The following NCOA1 variants were observed in gnomAD, a reference collection of about 807,000 sequenced individuals.
The protein encoded by NCOA1 is Hin-2 protein.
In NCOA1, 35 loss-of-function variants were observed where a neutral mutation model predicts 150.9. The ratio of observed to expected loss-of-function variants is 0.23; its 90% CI spans 0.18 to 0.31. The LOEUF (loss-of-function observed/expected upper bound fraction) is 0.31, where lower values mean the gene tolerates loss of function less well. Ranked by LOEUF, NCOA1 falls within the 10% of genes least tolerant of loss-of-function variation. The pLI is 1.00. For missense variants in NCOA1, 1,491 were observed against 1,749.3 expected (o/e 0.85, Z 2.63); for synonymous variants, 590 against 630.0 (o/e 0.94, Z 0.95).
chr2:24,728,014 G>C (rs1209978161), intron 15 of NCOA1, among the ~76,000 whole-genome samples: 2 of 152,088 alleles, frequency 1.3e-5, no homozygotes. Flanking sequence ...TTTATTAAAA[G>C]TTATTTCCCC....
At chr2:24,504,658 CTT>C (rs1663615726) in intron 1 of NCOA1, among the ~76,000 whole-genome samples, 1 of 152,158 alleles carries the variant, frequency 6.6e-6, no homozygotes, top group Non-Finnish European at 1.5e-5. Flanking sequence ...AAAGGAGAAA[CTT>C]TACTAGTGTG....
intron 8 of NCOA1, among the ~76,000 whole-genome samples, chr2:24,687,437 G>C (rs1036492417): frequency 6.6e-6 from 1 of 151,956 alleles, no homozygotes; most frequent in Non-Finnish European, 1.5e-5. Flanking sequence ...TGTCATGGGG[G>C]TTTGTTGTAC....
chr2:24,512,248 TAAG>T (rs371791823), intron 1 of NCOA1, among the ~76,000 whole-genome samples: 1 of 152,338 alleles, frequency 6.6e-6, no homozygotes, highest in African/African-American at 2.4e-5. Context: ...ATAGTTATAT[TAAG>T]AAGTCTTACC....
intron 1 of NCOA1, among the ~76,000 whole-genome samples, chr2:24,507,435 G>GTTTT (rs10651704): frequency 1.8e-4 from 23 of 126,498 alleles, no homozygotes; most frequent in South Asian, 7.7e-4. Context: ...GAGCTGCTGG[G>GTTTT]TTTTTTTTTT....
chr2:24,691,452 C>T (rs777142853), intron 8 of NCOA1, 29 bp from the exon 9 acceptor site: 1 of 1,602,810 alleles, frequency 6.2e-7, no homozygotes, highest in South Asian at 1.1e-5. Context: ...ACCATATTCG[C>T]AAGCACATAA....
intron 3 of NCOA1, among the ~76,000 whole-genome samples, chr2:24,625,072 C>G (rs2148416743): frequency 6.6e-6 from 1 of 152,266 alleles, no homozygotes; most frequent in East Asian, 1.9e-4. Flanking sequence ...ATATAATTTT[C>G]TTGTCTCACG....
intron 1 of NCOA1, among the ~76,000 whole-genome samples, chr2:24,503,768 C>G (rs1420630447): frequency 2.9e-5 from 4 of 140,152 alleles, no homozygotes; most frequent in African/African-American, 1.1e-4. Context: ...AAGAGTCTTG[C>G]TCTGTCGTCC....
intron 17 of NCOA1, among the ~76,000 whole-genome samples, chr2:24,732,573 TTC>T (rs1264866109): frequency 1.3e-5 from 2 of 152,180 alleles, no homozygotes; most frequent in African/African-American, 2.4e-5. Context: ...CTGGCCAAGG[TTC>T]TCAGTCAGTG....
intron 1 of NCOA1, among the ~76,000 whole-genome samples, chr2:24,492,872 C>G (rs906585999): frequency 1.3e-5 from 2 of 150,816 alleles, no homozygotes; most frequent in Admixed American, 1.3e-4. Flanking sequence ...TGCCGTGAAG[C>G]GTAGATTATA....
At chr2:24,607,690 A>G (rs112808661) in intron 3 of NCOA1, among the ~76,000 whole-genome samples, 3,070 of 143,332 alleles carry the variant, frequency 0.021, 87 homozygotes, top group African/African-American at 0.074. Context: ...ACTCTTGTCT[A>G]AAAAAAAAAA....
intron 3 of NCOA1, among the ~76,000 whole-genome samples, chr2:24,633,963 TA>T (rs1163981674): frequency 1.3e-5 from 2 of 152,198 alleles, no homozygotes; most frequent in African/African-American, 4.8e-5. Context: ...CAAAAATGGC[TA>T]AGATGTGGTA....
intron 3 of NCOA1, among the ~76,000 whole-genome samples, chr2:24,642,007 CGTGTGTGTGTGTGTGTGTGTGTGTGTGT>C (rs58991961): frequency 1.4e-5 from 2 of 144,948 alleles, no homozygotes; most frequent in Admixed American, 6.9e-5. Flanking sequence ...TTACAGAGGG[CGTGTGTGTGTGTGTGTGTGTGTGTGTGT>C]GTGCGCGCGT....
At chr2:24,650,564 G>A (rs1670668569) in intron 4 of NCOA1, among the ~76,000 whole-genome samples, 1 of 152,080 alleles carries the variant, frequency 6.6e-6, no homozygotes. Context: ...GCACTCTTAT[G>A]ACTCAATAAA....
chr2:24,721,520 C>T lies in NCOA1; in HGVS notation c.2600-5069C>T, dbSNP rs147882803. On this transcript the variant is annotated intron_variant, in intron 14 of 22. Coordinates refer to ENST00000348332, the MANE Select transcript of NCOA1 (RefSeq NM_003743.5). ...GTAGATTCTGATTATAGAAGCCCTA[C>T]TTCTCAGTTGTTGTGAGGAATAGGC... Among the ~76,000 whole-genome samples, 39 of 152,350 alleles carry T rather than the reference C, an allele frequency of 2.6e-4. No individual in the cohort carries two copies. In the East Asian group the frequency reaches 6.4e-3, roughly 25 times the overall value.
At chr2:24,524,031 A>G (rs62140850) in intron 1 of NCOA1, among the ~76,000 whole-genome samples, 22,330 of 149,702 alleles carry the variant, frequency 0.15, 1,981 homozygotes, top group Non-Finnish European at 0.2. Flanking sequence ...CACTTATGGG[A>G]GCTGATTTTA....
Position 24,673,466 on chromosome 2 carries a change from A to T in NCOA1, c.354+3A>T. 6.4e-7 allele frequency: 1 copy of T among 1,570,214 alleles called. No individual in the cohort carries two copies. The highest frequency in any genetic ancestry group is 8.6e-7 in the Non-Finnish European group (1 of 1,159,552). ...CCTTGGGACCTCTTCTTTTGGAGGT[A>T]GGTGTCTTCATTGACTCAGAAAGTG... On this transcript the variant is annotated splice_donor_region_variant and intron_variant, in intron 7 of 22. Transcript: ENST00000348332.
intron 3 of NCOA1, among the ~76,000 whole-genome samples, chr2:24,643,559 T>C (rs963837037): frequency 5.3e-5 from 8 of 152,200 alleles, no homozygotes; most frequent in Non-Finnish European, 8.8e-5. Context: ...AGTTAGAAAT[T>C]TGAAGACAAA....
chr2:24,638,360 AT>A (rs1209706607), intron 3 of NCOA1, among the ~76,000 whole-genome samples: 1 of 151,358 alleles, frequency 6.6e-6, no homozygotes, highest in Non-Finnish European at 1.5e-5. Context: ...TCTATGCCAC[AT>A]TTTCTTTATC....
chr2:24,565,408 T>C (rs1055872582), intron 2 of NCOA1, among the ~76,000 whole-genome samples: 7 of 152,212 alleles, frequency 4.6e-5, no homozygotes, highest in Non-Finnish European at 1.0e-4. Context: ...TAAATTAATA[T>C]TTTGCTAGAA....
Sources: gnomAD v4.1 joint callset for allele counts (sites outside exome capture counted in the v4.1 genomes callset) on GRCh38, gnomAD v4.1.1 for gene constraint, MANE v1.5 for transcripts, NCBI Gene and HGNC (gene_info 2026-07-23, HGNC 2026-07-21) for gene names.